Variants in FRMD5 observed in about 807,000 individuals in gnomAD.
FRMD5 encodes FERM domain-containing protein 5.
A neutral mutation model predicts 69.0 loss-of-function variants in FRMD5; 20 were observed. The ratio of observed to expected loss-of-function variants is 0.29; its 90% CI spans 0.20 to 0.42. FRMD5 has a LOEUF of 0.42. Among genes scored for constraint, FRMD5 ranks in the 10% least tolerant of loss-of-function variants. The pLI, the probability that FRMD5 is intolerant of heterozygous loss-of-function variation, is 1.00. For missense variants in FRMD5, 595 were observed against 708.6 expected (o/e 0.84, Z 1.82); for synonymous variants, 271 against 260.1 (o/e 1.04, Z -0.40).
intron 13 of FRMD5, chr15:43,879,538 C>A (rs2088464930): frequency 2.5e-6 from 1 of 398,992 alleles, no homozygotes; most frequent in Admixed American, 4.4e-5. Flanking sequence ...CCGGGGGTCA[C>A]AGCAGTCAGG....
chr15:44,149,974 AT>A (rs1431120463), intron 1 of FRMD5, among the ~76,000 whole-genome samples: 4 of 152,160 alleles, frequency 2.6e-5, no homozygotes, highest in Non-Finnish European at 5.9e-5. Flanking sequence ...ACCAAGTTAG[AT>A]TTTTTTCCTG....
chr15:44,035,620 A>C (rs1891873698), intron 1 of FRMD5, among the ~76,000 whole-genome samples: 1 of 152,142 alleles, frequency 6.6e-6, no homozygotes, highest in Non-Finnish European at 1.5e-5. Flanking sequence ...TGTACTTATT[A>C]ATGTTGCTAG....
At chr15:44,098,544 G>C (rs1165400112) in intron 1 of FRMD5, among the ~76,000 whole-genome samples, 1 of 149,478 alleles carries the variant, frequency 6.7e-6, no homozygotes, top group Non-Finnish European at 1.5e-5. Flanking sequence ...AAAAAAGAGA[G>C]AGAGAGACAT....
intron 1 of FRMD5, among the ~76,000 whole-genome samples, chr15:43,991,883 G>T (rs1889699642): frequency 6.6e-6 from 1 of 152,180 alleles, no homozygotes; most frequent in South Asian, 2.1e-4. Flanking sequence ...CAGTGTCCTA[G>T]CCCTGCATCC....
intron 1 of FRMD5, among the ~76,000 whole-genome samples, chr15:43,972,190 T>G (rs1218298261): frequency 6.6e-6 from 1 of 151,696 alleles, no homozygotes; most frequent in Admixed American, 6.6e-5. Context: ...CACACCTTGT[T>G]ATTAAGAGAG....
chr15:43,989,078 G>A (rs1889538635), intron 1 of FRMD5: 2 of 914,688 alleles, frequency 2.2e-6, no homozygotes, highest in Admixed American at 3.4e-5. Flanking sequence ...CATCTGCGGT[G>A]GATGATGGAG....
At chr15:43,896,413 C>T (rs1486539896) in intron 7 of FRMD5, among the ~76,000 whole-genome samples, 3 of 152,142 alleles carry the variant, frequency 2.0e-5, no homozygotes, top group African/African-American at 7.2e-5. Context: ...GGAGATAGAC[C>T]AAATATCTTA....
rs765083089 is a variant in FRMD5 at position 43,905,824 on chromosome 15, G to C, written c.551+4C>G. On this transcript the variant is annotated splice_donor_region_variant and intron_variant, in intron 6 of 13. Coordinates refer to ENST00000417257, the MANE Select transcript of FRMD5 (RefSeq NM_032892.5). ...TGTTCTGGGCCTGATTAAGTGCCAC[G>C]TACCTCAGTTCCGTCTTGTGAATCT... 2 of 1,613,994 alleles carry C rather than the reference G, an allele frequency of 1.2e-6. No individual in the cohort carries two copies. The highest frequency in any genetic ancestry group is 1.7e-5 in the Admixed American group (1 of 60,030).
At chr15:43,973,363 C>T (rs1216820953) in intron 1 of FRMD5, among the ~76,000 whole-genome samples, 1 of 149,152 alleles carries the variant, frequency 6.7e-6, no homozygotes, top group Non-Finnish European at 1.5e-5. Context: ...TTTGCTAATG[C>T]TAATGTTTTT....
At chr15:44,075,805 C>T (rs536619904) in intron 1 of FRMD5, among the ~76,000 whole-genome samples, 212 of 152,222 alleles carry the variant, frequency 1.4e-3, no homozygotes, top group African/African-American at 2.5e-3. Context: ...GCACAAGTCC[C>T]GACAAGCAGA....
intron 5 of FRMD5, among the ~76,000 whole-genome samples, chr15:43,907,079 C>A (rs924453730): frequency 3.3e-5 from 5 of 152,134 alleles, no homozygotes; most frequent in Non-Finnish European, 7.3e-5. Context: ...GCTTTTTCCA[C>A]GTGAAGCTCT....
At chr15:43,881,649 C>T (rs947659614) in intron 13 of FRMD5, among the ~76,000 whole-genome samples, 3 of 152,212 alleles carry the variant, frequency 2.0e-5, no homozygotes, top group Non-Finnish European at 4.4e-5. Flanking sequence ...ACGCTTTAGT[C>T]TCTTTCAAGT....
chr15:43,927,339 G>C (rs2089601950), intron 1 of FRMD5, among the ~76,000 whole-genome samples: 1 of 152,092 alleles, frequency 6.6e-6, no homozygotes, highest in African/African-American at 2.4e-5. Flanking sequence ...ACATAAGCCT[G>C]AACTCGCAGG....
intron 1 of FRMD5, among the ~76,000 whole-genome samples, chr15:43,999,944 TATGCCATGC>T (rs1316266698): frequency 4.0e-5 from 5 of 123,606 alleles, no homozygotes; most frequent in East Asian, 2.3e-4. Flanking sequence ...TATATATATA[TATGCCATGC>T]ATATATATAT....
intron 1 of FRMD5, among the ~76,000 whole-genome samples, chr15:44,089,948 A>T (rs575279849): frequency 1.2e-4 from 19 of 152,270 alleles, no homozygotes; most frequent in Non-Finnish European, 2.4e-4. Flanking sequence ...CTCACTCTTT[A>T]TCATAAAGAA....
intron 1 of FRMD5, among the ~76,000 whole-genome samples, chr15:44,080,001 AT>A (rs1390464592): frequency 1.3e-5 from 2 of 152,104 alleles, no homozygotes; most frequent in Non-Finnish European, 2.9e-5. Context: ...GTTTGGGAAG[AT>A]TTAAAAGTGC....
chr15:44,005,485 A>G (rs1334763742), intron 1 of FRMD5, among the ~76,000 whole-genome samples: 4 of 151,778 alleles, frequency 2.6e-5, no homozygotes, highest in Non-Finnish European at 4.4e-5. Flanking sequence ...AAAAAAAAAA[A>G]AAAAAAAAGA....
chr15:44,013,686 G>A (rs1207620836), intron 1 of FRMD5, among the ~76,000 whole-genome samples: 1 of 152,034 alleles, frequency 6.6e-6, no homozygotes, highest in Non-Finnish European at 1.5e-5. Flanking sequence ...CTCTAATTTT[G>A]GTGGTTGAAT....
At position 43,870,989 on chromosome 15, in the gene FRMD5, A is replaced by G. The variant is rs1366494824; in HGVS notation, c.*2896T>C. On this transcript the variant is annotated 3_prime_UTR_variant, in exon 14 of 14. Coordinates refer to ENST00000417257, the MANE Select transcript of FRMD5 (RefSeq NM_032892.5). ...CTACTGCTTAAAGATGCAGTATGCT[A>G]TTCTTTAGTAAGAGTTTTATTTCCT... is the stretch of plus-strand genomic sequence containing the variant. 6.6e-6 allele frequency: 1 copy of G among 152,236 alleles called. No individual in the cohort carries two copies. Among genetic ancestry groups the G allele is most frequent in the African/African-American group, 2.4e-5 (1 of 41,470 alleles). 9.4% of individuals were successfully genotyped at this position (152,236 alleles called of 1,614,324 possible). A position where few individuals can be genotyped will look rare whatever the true frequency, so the allele number is the denominator to read the frequency against.
Sources: gnomAD v4.1 joint callset for allele counts (sites outside exome capture counted in the v4.1 genomes callset) on GRCh38, gnomAD v4.1.1 for gene constraint, MANE v1.5 for transcripts, NCBI Gene and HGNC (gene_info 2026-07-23, HGNC 2026-07-21) for gene names.